The following GHR variants were observed in gnomAD, a reference collection of about 807,000 sequenced individuals.
The protein encoded by GHR is GH receptor.
In GHR, 35 loss-of-function variants were observed where a neutral mutation model predicts 67.1. That is an observed-to-expected ratio of 0.52 (90% confidence interval 0.40 to 0.69). The LOEUF (loss-of-function observed/expected upper bound fraction) is 0.69. GHR is among the 30% of genes least tolerant of loss of function. The probability of loss-of-function intolerance (pLI) is 0.00; values close to 1 mark genes in which losing one functional copy is unlikely to be tolerated. For synonymous variants in GHR, 272 were observed against 269.1 expected (o/e 1.01, Z -0.10); for missense variants, 792 against 764.6 (o/e 1.04, Z -0.42).
chr5:42,614,398 A>C (rs1753037233), intron 2 of GHR, among the ~76,000 whole-genome samples: 1 of 151,876 alleles, frequency 6.6e-6, no homozygotes, highest in African/African-American at 2.4e-5. Context: ...TCAAACTTTA[A>C]GGCACACATG....
chr5:42,711,372 G>A lies in GHR; in HGVS notation c.784G>A (p.Asp262Asn). The A allele has an allele frequency of 6.2e-7, 1 of 1,605,764 alleles. No homozygotes were observed. Among genetic ancestry groups the A allele is most frequent in the Non-Finnish European group, 8.5e-7 (1 of 1,172,498 alleles). ...PQMSQFTCEE[D>N]FYFPWLLIII... ...GATGAGCCAATTTACATGTGAAGAA[G>A]GTAAAAGAAATAAAAGATTAAAATA... is the stretch of plus-strand genomic sequence containing the variant. The change falls in exon 7 of 10, where the codon GAT becomes AAT. Residue 262 changes from aspartate to asparagine, a missense_variant and splice_region_variant. Physicochemically the swap from Asp to Asn is conservative, Grantham distance 23. Transcript: ENST00000230882.
intron 2 of GHR, among the ~76,000 whole-genome samples, chr5:42,582,948 C>T (rs1751266643): frequency 6.6e-6 from 1 of 152,260 alleles, no homozygotes; most frequent in South Asian, 2.1e-4. Context: ...TCACGTATCC[C>T]TCATTGCTCC....
chr5:42,650,001 T>C (rs1188772516), intron 3 of GHR, among the ~76,000 whole-genome samples: 1 of 152,196 alleles, frequency 6.6e-6, no homozygotes, highest in African/African-American at 2.4e-5. Flanking sequence ...AAAAAATTAG[T>C]AGGTTTTAAC....
chr5:42,629,101 CAAGT>C lies in GHR; in HGVS notation c.136+2_136+5del. The C allele has an allele frequency of 7.5e-7, 1 of 1,330,770 alleles. No homozygotes were observed. Among genetic ancestry groups the C allele is most frequent in the Non-Finnish European group, 1.0e-6 (1 of 952,382 alleles). The allele number at this position is 1,330,770 out of a possible 1,614,324, so 82.4% of individuals were successfully genotyped here. A position where few individuals can be genotyped will look rare whatever the true frequency, so the allele number is the denominator to read the frequency against. On this transcript the variant is annotated splice_donor_variant and coding_sequence_variant, in exon 3 of 10. Coordinates refer to ENST00000230882, the MANE Select transcript of GHR (RefSeq NM_000163.5). LOFTEE classifies it high-confidence loss of function. ...CAAAGTGTTAATCCAGGCCTAAAGA[CAAGT>C]AAGAATTTCAGTCCTTTTTCTTCCT...
chr5:42,452,547 G>A (rs754571087), intron 1 of GHR, among the ~76,000 whole-genome samples: 42 of 151,984 alleles, frequency 2.8e-4, no homozygotes, highest in Non-Finnish European at 4.9e-4. Flanking sequence ...TCTTAGGTTT[G>A]ACTGTTTAAT....
At chr5:42,593,700 G>C (rs115875617) in intron 2 of GHR, among the ~76,000 whole-genome samples, 2 of 152,248 alleles carry the variant, frequency 1.3e-5, no homozygotes, top group East Asian at 1.9e-4. Context: ...TTTCACTTGT[G>C]GGGGAATGTC....
chr5:42,576,115 A>AAAT (rs1561135877), intron 2 of GHR, among the ~76,000 whole-genome samples: 1,166 of 92,900 alleles, frequency 0.013, 69 homozygotes, highest in African/African-American at 0.051. Context: ...AAATAAAATA[A>AAAT]AATAAAATAA....
At chr5:42,664,772 C>T (rs6880367) in intron 3 of GHR, among the ~76,000 whole-genome samples, 100,176 of 151,948 alleles carry the variant, frequency 0.66, 34,300 homozygotes, top group East Asian at 0.82. Context: ...AGAGCTTCTG[C>T]ACAGCAAAAG....
At position 42,468,455 on chromosome 5, in the gene GHR, C is replaced by A. The variant is rs997596538; in HGVS notation, c.-12+44500C>A. The A allele has an allele frequency of 5.7e-6, 5 of 880,184 alleles. No homozygotes were observed. The Middle Eastern group carries it at 1.1e-3, about 190-fold the overall frequency. 54.5% of individuals were successfully genotyped at this position (880,184 alleles called of 1,614,324 possible). A position where few individuals can be genotyped will look rare whatever the true frequency, so the allele number is the denominator to read the frequency against. On this transcript the variant is annotated intron_variant, in intron 1 of 9. Coordinates refer to ENST00000230882, the MANE Select transcript of GHR (RefSeq NM_000163.5). ...GGCCAAGATGAGTATTGCCTACGTGCGCAGCTGAGAGGCCCGACCAGAGTT... is the reference window on the plus strand; with the variant it reads ...GGCCAAGATGAGTATTGCCTACGTGAGCAGCTGAGAGGCCCGACCAGAGTT...
chr5:42,695,147 C>G, intron 5 of GHR, 58 bp downstream of exon 5: 1 of 1,147,060 alleles, frequency 8.7e-7, no homozygotes, highest in Admixed American at 1.7e-5. Flanking sequence ...AATGGGGAAG[C>G]CTGCAAGGTC....
At chr5:42,439,306 A>G (rs914911283) in intron 1 of GHR, among the ~76,000 whole-genome samples, 3 of 152,226 alleles carry the variant, frequency 2.0e-5, no homozygotes, top group African/African-American at 7.2e-5. Flanking sequence ...ATCACTCATA[A>G]TCTTAAATTG....
At chr5:42,589,342 C>G (rs1041495777) in intron 2 of GHR, among the ~76,000 whole-genome samples, 1 of 152,110 alleles carries the variant, frequency 6.6e-6, no homozygotes, top group Admixed American at 6.5e-5. Context: ...TGAAAATATG[C>G]CCTATTGTCC....
chr5:42,443,612 G>A (rs1021896447), intron 1 of GHR, among the ~76,000 whole-genome samples: 3 of 148,284 alleles, frequency 2.0e-5, no homozygotes, highest in African/African-American at 7.5e-5. Context: ...GACCAGTAGG[G>A]TGTGTGTGTG....
chr5:42,450,630 A>G (rs1247240272), intron 1 of GHR, among the ~76,000 whole-genome samples: 1 of 151,328 alleles, frequency 6.6e-6, no homozygotes, highest in Non-Finnish European at 1.5e-5. Flanking sequence ...TTTCAGTTTC[A>G]TTTAGTTCTT....
intron 1 of GHR, among the ~76,000 whole-genome samples, chr5:42,557,760 T>A (rs73751210): frequency 0.027 from 4,123 of 152,334 alleles, 196 homozygotes; most frequent in African/African-American, 0.094. Context: ...TATCTTTCAA[T>A]GATTATTAAC....
chr5:42,668,730 A>G (rs1756122086), intron 3 of GHR, among the ~76,000 whole-genome samples: 3 of 152,072 alleles, frequency 2.0e-5, no homozygotes, highest in Admixed American at 6.6e-5. Context: ...TTATCTTTGT[A>G]TTTGTCATCT....
chr5:42,713,916 A>AT (rs113541266), intron 8 of GHR: 598 of 159,850 alleles, frequency 3.7e-3, no homozygotes, highest in South Asian at 0.012. Flanking sequence ...TATACAGACA[A>AT]TTTTTTTTTT....
intron 1 of GHR, among the ~76,000 whole-genome samples, chr5:42,517,243 A>G (rs187511420): frequency 1.3e-5 from 2 of 152,352 alleles, no homozygotes; most frequent in African/African-American, 4.8e-5. Flanking sequence ...GACAACAATA[A>G]CTTCAGAATT....
chr5:42,465,894 G>A (rs1006244473), intron 1 of GHR: 2 of 713,618 alleles, frequency 2.8e-6, no homozygotes, highest in Non-Finnish European at 5.1e-6. Flanking sequence ...TCATCAAGTG[G>A]CTTTTCAAGT....
Sources: allele counts gnomAD v4.1 joint callset (sites outside exome capture counted in the v4.1 genomes callset), GRCh38; gene constraint gnomAD v4.1.1; transcripts MANE v1.5; gene names NCBI Gene and HGNC (gene_info 2026-07-23, HGNC 2026-07-21).